MREG: variants seen among roughly 807,000 people sequenced by gnomAD.
The protein encoded by MREG is dilute suppressor protein homolog.
In MREG, 31 loss-of-function variants were observed where a neutral mutation model predicts 28.5. The ratio of observed to expected loss-of-function variants is 1.09; its 90% confidence interval spans 0.82 to 1.47. MREG has a LOEUF of 1.47. Among genes scored for constraint, MREG ranks in the 40% most tolerant of loss-of-function variants. The pLI is 0.00. For missense variants in MREG, 256 were observed against 257.4 expected, an observed-to-expected ratio of 0.99 and a Z score of 0.04; for synonymous variants, 106 against 95.2, an observed-to-expected ratio of 1.11 and a Z score of -0.66.
At chr2:216,025,946 C>A (rs1466021089) in intron 1 of MREG, among the ~76,000 whole-genome samples, 2 of 152,174 alleles carry the variant, frequency 1.3e-5, no homozygotes, top group Non-Finnish European at 2.9e-5. Flanking sequence ...GCCTTCAGCC[C>A]TTTGGAGGGA....
intron 1 of MREG, among the ~76,000 whole-genome samples, chr2:215,997,359 C>A (rs1284213572): frequency 6.6e-6 from 1 of 152,186 alleles, no homozygotes; most frequent in Non-Finnish European, 1.5e-5. Flanking sequence ...TGTGGACTTA[C>A]AGAGAAGATT....
At chr2:215,948,573 A>T (rs1692382203) in intron 2 of MREG, among the ~76,000 whole-genome samples, 1 of 152,202 alleles carries the variant, frequency 6.6e-6, no homozygotes, top group Admixed American at 6.5e-5. Flanking sequence ...TCCCTCACAG[A>T]CTATATAAGT....
At chr2:215,962,393 G>T (rs897110998) in intron 2 of MREG, among the ~76,000 whole-genome samples, 4 of 152,202 alleles carry the variant, frequency 2.6e-5, no homozygotes, top group African/African-American at 9.6e-5. Flanking sequence ...TGCTAATGCT[G>T]TCAGGGGAGG....
rs532145290 is a variant in MREG, at chr2:216,006,227, A to G, written c.95+7006T>C. On this transcript the variant is annotated intron_variant, in intron 1 of 4. Transcript: ENST00000263268. Reference sequence around the variant, plus strand: ...TGACTAATGCAAGTCACAAAAAGAGAAGAGGGACGCTGTGGCTTGCCGGGG... The same window carrying G: ...TGACTAATGCAAGTCACAAAAAGAGGAGAGGGACGCTGTGGCTTGCCGGGG... 8.5e-5 allele frequency among the ~76,000 whole-genome samples: 13 copies of G among 152,346 alleles called. No homozygotes were observed. The East Asian group carries it at 2.3e-3, about 27-fold the overall frequency.
chr2:215,961,762 C>T (rs575091005), intron 2 of MREG, among the ~76,000 whole-genome samples: 2 of 152,268 alleles, frequency 1.3e-5, no homozygotes, highest in South Asian at 2.1e-4. Context: ...TCTACTTGCC[C>T]TTTCACTGAA....
chr2:216,019,612 A>C (rs6734379), intron 1 of MREG, among the ~76,000 whole-genome samples: 31,995 of 150,882 alleles, frequency 0.21, 3,577 homozygotes, highest in Non-Finnish European at 0.26. Context: ...TCACACCATT[A>C]TCCTGCCTCA....
At chr2:215,999,752 T>C (rs1693965318) in intron 1 of MREG, among the ~76,000 whole-genome samples, 1 of 151,952 alleles carries the variant, frequency 6.6e-6, no homozygotes, top group South Asian at 2.1e-4. Flanking sequence ...GGCACAGAGG[T>C]ACCAGCGAAG....
intron 1 of MREG, among the ~76,000 whole-genome samples, chr2:216,031,420 G>GA (rs1433788049): frequency 2.0e-5 from 1 of 50,710 alleles, no homozygotes; most frequent in Non-Finnish European, 4.0e-5. Flanking sequence ...AAGAAAGGAA[G>GA]AAAGAAAGAA....
chr2:216,013,190 C>A (rs1363314171), intron 1 of MREG, 43 bp downstream of exon 1: 1 of 1,522,380 alleles, frequency 6.6e-7, no homozygotes, highest in South Asian at 1.2e-5. Context: ...CGCCCGGCTA[C>A]GGCCCAGGTA....
At chr2:216,010,352 C>CTATTTTTTTTTT (rs1332869944) in intron 1 of MREG, among the ~76,000 whole-genome samples, 4 of 75,658 alleles carry the variant, frequency 5.3e-5, no homozygotes, top group African/African-American at 1.5e-4. Flanking sequence ...GAAAAGATTT[C>CTATTTTTTTTTT]TCTTTTTTTT....
intron 2 of MREG, among the ~76,000 whole-genome samples, chr2:215,987,738 G>C (rs1693611258): frequency 6.6e-6 from 1 of 151,898 alleles, no homozygotes; most frequent in African/African-American, 2.4e-5. Context: ...AAATTTACCA[G>C]GTAGTTAATT....
intron 1 of MREG, among the ~76,000 whole-genome samples, chr2:216,030,100 A>T (rs547408666): frequency 1.5e-4 from 23 of 152,358 alleles, no homozygotes; most frequent in African/African-American, 5.5e-4. Flanking sequence ...GTTATAAAGA[A>T]GATTTAGGTT....
chr2:215,967,089 C>A (rs1230677987), intron 2 of MREG, among the ~76,000 whole-genome samples: 1 of 152,186 alleles, frequency 6.6e-6, no homozygotes, highest in African/African-American at 2.4e-5. Context: ...TCTGGAAAAA[C>A]TGGTTAACAT....
chr2:215,945,569 A>G lies in MREG; in HGVS notation c.510+2T>C. On this transcript the variant is annotated splice_donor_variant, in intron 4 of 4. Transcript: ENST00000263268. LOFTEE classifies it high-confidence loss of function. ...GGCAAATGAAAAAAAGCATCCACTT[A>G]CCACAACAAAGAGATATCTCTCTGA... 9 of 1,609,522 alleles carry G rather than the reference A, an allele frequency of 5.6e-6. No homozygotes were observed. Among genetic ancestry groups the G allele is most frequent in the Non-Finnish European group, 6.8e-6 (8 of 1,178,626 alleles).
chr2:215,963,995 CA>C (rs907429822), intron 2 of MREG, among the ~76,000 whole-genome samples: 3 of 152,126 alleles, frequency 2.0e-5, no homozygotes, highest in African/African-American at 7.2e-5. Context: ...TTTTCACACC[CA>C]TAATCTCACT....
At position 215,959,570 on chromosome 2, in the gene MREG, A is replaced by G. The variant is rs1404940384; in HGVS notation, c.256-12457T>C. Among the ~76,000 whole-genome samples the G allele has an allele frequency of 2.0e-5, 3 of 152,266 alleles. No homozygotes were observed. In the East Asian group the frequency reaches 5.8e-4, roughly 29 times the overall value. On this transcript the variant is annotated intron_variant, in intron 2 of 4. Coordinates refer to ENST00000263268, the MANE Select transcript of MREG (RefSeq NM_018000.3). ...TCTCCCAACCTGCTGTCTTCCAAAG[A>G]TGAGATTGGGTCACTTCCCTCCCTG...
intron 1 of MREG, among the ~76,000 whole-genome samples, chr2:216,003,080 T>G (rs1381853925): frequency 6.6e-6 from 1 of 152,246 alleles, no homozygotes; most frequent in South Asian, 2.1e-4. Flanking sequence ...TTATTTCTTA[T>G]GTTTTTAATT....
rs764144154 is a variant in MREG at position 215,945,654 on chromosome 2, G to A, written c.427C>T (p.Arg143Ter). Residue 143 changes from arginine to a stop codon, truncating the protein, a stop_gained, in exon 4 of 5, where the codon CGA becomes TGA. Transcript: ENST00000263268. LOFTEE classifies it high-confidence loss of function. ...ISDSKNTRKA[R>*]EMLLKLAEET... is the part of the protein sequence containing the mutation. ...TCAGCCAGTTTTAACAACATCTCTC[G>A]AGCTTTCCTTGTGTTTTTAGAATCA... is the stretch of plus-strand genomic sequence containing the variant. The A allele has an allele frequency of 1.7e-5, 27 of 1,613,772 alleles. 1 individual carries two copies. In the South Asian group the frequency reaches 1.9e-4, roughly 11 times the overall value.
At chr2:216,003,321 C>T (rs186286226) in intron 1 of MREG, among the ~76,000 whole-genome samples, 4 of 152,108 alleles carry the variant, frequency 2.6e-5, no homozygotes, top group African/African-American at 4.8e-5. Context: ...TCTATTCTCA[C>T]GCTGAGGCAG....
Sources: gnomAD v4.1 joint callset for allele counts (sites outside exome capture counted in the v4.1 genomes callset) on GRCh38, gnomAD v4.1.1 for gene constraint, MANE v1.5 for transcripts, NCBI Gene and HGNC (gene_info 2026-07-23, HGNC 2026-07-21) for gene names.